IL1B: variants seen among roughly 807,000 people sequenced by gnomAD.
The protein encoded by IL1B is interleukin-1 beta.
Under a neutral mutation model 26.2 loss-of-function variants are expected in IL1B, and 11 were observed. The observed-to-expected ratio is 0.42, with a 90% CI of 0.26 to 0.70. The LOEUF (loss-of-function observed/expected upper bound fraction) is 0.70. Among genes scored for constraint, IL1B ranks in the 30% least tolerant of loss-of-function variants. The probability of loss-of-function intolerance (pLI) is 0.25; values close to 1 mark genes in which losing one functional copy is unlikely to be tolerated. For synonymous variants in IL1B, 118 were observed against 120.8 expected, an observed-to-expected ratio of 0.98 and a Z score of 0.15; for missense variants, 255 against 327.5, an observed-to-expected ratio of 0.78 and a Z score of 1.71.
At chr2:112,834,384 A>G (rs1159154907) in intron 3 of IL1B, among the ~76,000 whole-genome samples, 1 of 152,194 alleles carries the variant, frequency 6.6e-6, no homozygotes, top group East Asian at 1.9e-4. Flanking sequence ...ACACTGTCTC[A>G]TAGGCATTCT....
At chr2:112,831,533 A>T in intron 5 of IL1B, 111 bp from the exon 6 acceptor site, 1 of 1,218,000 alleles carries the variant, frequency 8.2e-7, no homozygotes, top group Non-Finnish European at 1.2e-6. Flanking sequence ...GTGGGAACCC[A>T]CAGTGAGGTT....
At chr2:112,835,852 C>T (rs963999185) in intron 2 of IL1B, among the ~76,000 whole-genome samples, 1 of 152,220 alleles carries the variant, frequency 6.6e-6, no homozygotes, top group Non-Finnish European at 1.5e-5. Flanking sequence ...GGCCTAACCT[C>T]TAGCCCAGCA....
At chr2:112,832,608 G>A (rs1682007711) in intron 5 of IL1B, 54 bp downstream of exon 5, 1 of 1,553,532 alleles carries the variant, frequency 6.4e-7, no homozygotes, top group East Asian at 2.2e-5. Context: ...AAAACATGGA[G>A]AATTAGCAAG....
rs189004151 is a variant in IL1B, at chr2:112,831,151, A to T, written c.597+141T>A. The T allele has an allele frequency of 1.3e-5, 12 of 941,464 alleles. No homozygotes were observed. In the Admixed American group the frequency reaches 2.1e-4, roughly 17 times the overall value. 58.3% of individuals were successfully genotyped at this position (941,464 alleles called of 1,614,324 possible). On this transcript the variant is annotated intron_variant, in intron 6 of 6. Coordinates refer to ENST00000263341, the MANE Select transcript of IL1B (RefSeq NM_000576.3). Reference sequence around the variant, plus strand: ...TTGCACGCAGTTAAAAATTATGTTAAATTTATTTACATTAATGCAAAATTG... The same window carrying T: ...TTGCACGCAGTTAAAAATTATGTTATATTTATTTACATTAATGCAAAATTG...
chr2:112,833,433 C>T lies in IL1B; in HGVS notation c.242G>A (p.Cys81Tyr). 1.9e-6 allele frequency: 3 copies of T among 1,614,188 alleles called. No individual in the cohort carries two copies. The highest frequency in any genetic ancestry group is 2.5e-6 in the Non-Finnish European group (3 of 1,180,034). ...MDKLRKMLVPCPQTFQENDLS... is the reference protein window; with the variant it reads ...MDKLRKMLVPYPQTFQENDLS... ...GTCATTCTCCTGGAAGGTCTGTGGG[C>T]AGGGAACCAGCATCTTCCTCAGCTT... The change falls in exon 4 of 7, where the codon TGC becomes TAC. Residue 81 changes from cysteine (C) to tyrosine (Y), a missense_variant. Coordinates refer to ENST00000263341, the MANE Select transcript of IL1B (RefSeq NM_000576.3).
At chr2:112,832,871 C>T in intron 4 of IL1B, 45 bp from the exon 5 acceptor site, 1 of 1,609,526 alleles carries the variant, frequency 6.2e-7, no homozygotes, top group Non-Finnish European at 8.5e-7. Flanking sequence ...ATCAGAAGGG[C>T]AGGCCTCGTG....
chr2:112,829,920 T>C lies in IL1B; in HGVS notation c.*441A>G. The C allele has an allele frequency of 5.7e-6, 1 of 174,462 alleles. No individual in the cohort carries two copies. The highest frequency in any genetic ancestry group is 1.2e-5 in the Non-Finnish European group (1 of 80,106). The allele number at this position is 174,462 out of a possible 1,614,324, so 10.8% of individuals were successfully genotyped here. A position where few individuals can be genotyped will look rare whatever the true frequency, so the allele number is the denominator to read the frequency against. On this transcript the variant is annotated 3_prime_UTR_variant, in exon 7 of 7. Coordinates refer to ENST00000263341, the MANE Select transcript of IL1B (RefSeq NM_000576.3). ...CAAATTGAATTGATTCCATAGCTAT[T>C]AAAAACTAGGCTCTTTTACAGACAC...
At position 112,833,429 on chromosome 2, in the gene IL1B, T is replaced by A. The variant is rs1413517154; in HGVS notation, c.246A>T (p.Pro82=). The change falls in exon 4 of 7, where the codon CCA becomes CCT. Residue 82 remains proline, a synonymous_variant. Transcript: ENST00000263341. ...TCAGGTCATTCTCCTGGAAGGTCTGTGGGCAGGGAACCAGCATCTTCCTCA... is the reference window on the plus strand; with the variant it reads ...TCAGGTCATTCTCCTGGAAGGTCTGAGGGCAGGGAACCAGCATCTTCCTCA... ...DKLRKMLVPC[P]QTFQENDLST... 6.2e-7 allele frequency: 1 copy of A among 1,614,180 alleles called. No homozygotes were observed.
At chr2:112,836,039 G>T in intron 2 of IL1B, 144 bp downstream of exon 2, 2 of 729,424 alleles carry the variant, frequency 2.7e-6, no homozygotes, top group Non-Finnish European at 2.4e-6. Context: ...TGGGAAAGTA[G>T]TCTTTAAATC....
At position 112,830,183 on chromosome 2, in the gene IL1B, T is replaced by A; in HGVS notation, c.*178A>T. The A allele has an allele frequency of 1.6e-6, 1 of 617,162 alleles. No individual in the cohort carries two copies. Among genetic ancestry groups the A allele is most frequent in the Middle Eastern group, 4.4e-4 (1 of 2,276 alleles). 38.2% of individuals were successfully genotyped at this position (617,162 alleles called of 1,614,324 possible). A position where few individuals can be genotyped will look rare whatever the true frequency, so the allele number is the denominator to read the frequency against. ...GGCCCTGAAAGGAGAGAGCTGACTG[T>A]CCTGGCTGATGGACAGGAGATCCTC... On this transcript the variant is annotated 3_prime_UTR_variant, in exon 7 of 7. Coordinates refer to ENST00000263341, the MANE Select transcript of IL1B (RefSeq NM_000576.3).
chr2:112,835,127 G>C (rs1682065318), intron 3 of IL1B: 1 of 241,240 alleles, frequency 4.1e-6, no homozygotes, highest in African/African-American at 2.2e-5. Flanking sequence ...TCTATGTCTT[G>C]TTGTTATAAG....
At chr2:112,833,947 T>G (rs549754977) in intron 3 of IL1B, among the ~76,000 whole-genome samples, 1 of 151,984 alleles carries the variant, frequency 6.6e-6, no homozygotes, top group African/African-American at 2.4e-5. Flanking sequence ...AAGCCAAGAT[T>G]GTACCACTGC....
chr2:112,831,780 G>A (rs1337619125), intron 5 of IL1B, among the ~76,000 whole-genome samples: 1 of 152,210 alleles, frequency 6.6e-6, no homozygotes, highest in African/African-American at 2.4e-5. Flanking sequence ...CAATGTGGAA[G>A]GAAAGGAAAG....
At position 112,830,484 on chromosome 2, in the gene IL1B, C is replaced by T; in HGVS notation, c.687G>A (p.Glu229=). ...TGTACCAGTTGGGGAACTGGGCAGA[C>T]TCAAATTCCAGCTTGTTATTGATTT... is the stretch of plus-strand genomic sequence containing the variant. The part of the protein sequence containing the change: ...KIEINNKLEF[E]SAQFPNWYIS... Residue 229 remains glutamate (E), a synonymous_variant, in exon 7 of 7, where the codon GAG becomes GAA. Transcript: ENST00000263341. The T allele has an allele frequency of 6.2e-7, 1 of 1,614,016 alleles. No homozygotes were observed. The highest frequency in any genetic ancestry group is 1.3e-5 in the African/African-American group (1 of 75,014).
At position 112,833,410 on chromosome 2, in the gene IL1B, C is replaced by A; in HGVS notation, c.265G>T (p.Asp89Tyr). ...VPCPQTFQEN[D>Y]LSTFFPFIFE... ...ATGAAGGGAAAGAAGGTGCTCAGGT[C>A]ATTCTCCTGGAAGGTCTGTGGGCAG... The change falls in exon 4 of 7, where the codon GAC becomes TAC. Residue 89 changes from aspartate (D) to tyrosine (Y), a missense_variant. Coordinates refer to ENST00000263341, the MANE Select transcript of IL1B (RefSeq NM_000576.3). 1.9e-6 allele frequency: 3 copies of A among 1,614,182 alleles called. No homozygotes were observed. The South Asian group carries it at 3.3e-5, about 18-fold the overall frequency.
intron 4 of IL1B, 184 bp from the exon 5 acceptor site, chr2:112,833,010 C>A: frequency 3.0e-6 from 2 of 666,078 alleles, no homozygotes; most frequent in Non-Finnish European, 2.7e-6. Context: ...CACTATTAGA[C>A]ATGGGTTCCA....
At chr2:112,833,970 G>A (rs1382318357) in intron 3 of IL1B, among the ~76,000 whole-genome samples, 1 of 151,894 alleles carries the variant, frequency 6.6e-6, no homozygotes, top group African/African-American at 2.4e-5. Context: ...TCCAGCCTGG[G>A]CAACAGAGTG....
intron 6 of IL1B, 24 bp downstream of exon 6, chr2:112,831,268 C>T: frequency 6.2e-7 from 1 of 1,613,592 alleles, no homozygotes; most frequent in South Asian, 1.1e-5. Flanking sequence ...CTGAGAAGGG[C>T]TTCATTCCAT....
intron 4 of IL1B, chr2:112,833,096 G>T: frequency 1.7e-6 from 1 of 600,244 alleles, no homozygotes; most frequent in Non-Finnish European, 3.0e-6. Flanking sequence ...CATAACACTA[G>T]CCCACAGGGA....
Sources: gnomAD v4.1 joint callset for allele counts (sites outside exome capture counted in the v4.1 genomes callset) on GRCh38, gnomAD v4.1.1 for gene constraint, MANE v1.5 for transcripts, NCBI Gene and HGNC (gene_info 2026-07-23, HGNC 2026-07-21) for gene names.